GRID1: variants seen among roughly 807,000 people sequenced by gnomAD.
GRID1 encodes the protein glutamate ionotropic receptor delta type subunit 1.
A neutral mutation model predicts 98.0 loss-of-function variants in GRID1; 28 were observed. The ratio of observed to expected loss-of-function variants is 0.29; its 90% CI spans 0.21 to 0.39. The LOEUF is 0.39. Ranked by LOEUF, GRID1 falls within the 10% of genes least tolerant of loss-of-function variation. The pLI, the probability that GRID1 is intolerant of heterozygous loss-of-function variation, is 1.00. For synonymous variants in GRID1, 553 were observed against 538.5 expected, an observed-to-expected ratio of 1.03 and a Z score of -0.37; for missense variants, 1,111 against 1,340.5, an observed-to-expected ratio of 0.83 and a Z score of 2.67.
intron 4 of GRID1, among the ~76,000 whole-genome samples, chr10:85,990,500 A>T (rs1589327080): frequency 6.6e-6 from 1 of 152,230 alleles, no homozygotes; most frequent in East Asian, 1.9e-4. Flanking sequence ...AGACAGAAAC[A>T]TAGAAAACAA....
chr10:86,121,561 T>C (rs1844675281), intron 4 of GRID1, among the ~76,000 whole-genome samples: 2 of 115,846 alleles, frequency 1.7e-5, no homozygotes, highest in Non-Finnish European at 3.8e-5. Context: ...CTCACCATCA[T>C]TATCACCATC....
chr10:86,086,243 C>G (rs1248686375), intron 4 of GRID1, among the ~76,000 whole-genome samples: 2 of 152,174 alleles, frequency 1.3e-5, no homozygotes, highest in Middle Eastern at 6.3e-3. Flanking sequence ...CATTTACTGT[C>G]TCTCCTCCTT....
intron 4 of GRID1, among the ~76,000 whole-genome samples, chr10:86,114,855 G>A (rs1844549588): frequency 6.6e-6 from 1 of 152,172 alleles, no homozygotes; most frequent in African/African-American, 2.4e-5. Flanking sequence ...TCCAGGGCAT[G>A]GCTCCATCAT....
At chr10:86,245,962 C>T (rs1002399825) in intron 2 of GRID1, among the ~76,000 whole-genome samples, 15 of 152,200 alleles carry the variant, frequency 9.9e-5, no homozygotes, top group African/African-American at 2.9e-4. Flanking sequence ...AGAGTGTGCA[C>T]GCATACTCCC....
At chr10:86,134,525 C>T (rs1844887090) in intron 4 of GRID1, among the ~76,000 whole-genome samples, 1 of 152,136 alleles carries the variant, frequency 6.6e-6, no homozygotes, top group African/African-American at 2.4e-5. Flanking sequence ...GGGCGTTAAC[C>T]TCTAATACCC....
intron 4 of GRID1, among the ~76,000 whole-genome samples, chr10:85,946,233 T>G (rs1038206633): frequency 2.0e-5 from 3 of 152,030 alleles, no homozygotes; most frequent in Non-Finnish European, 2.9e-5. Context: ...CTATAAAGAG[T>G]CTGCCATTGA....
At position 85,695,245 on chromosome 10, in the gene GRID1, G is replaced by A. The variant is rs140616293; in HGVS notation, c.1997+27758C>T. On this transcript the variant is annotated intron_variant, in intron 12 of 15. Transcript: ENST00000327946. Reference sequence around the variant, plus strand: ...CTCTTGCCTTCCTTAAGAACTCAGCGTCTACTGCAGAAGGCTGGACTCAAT... The same window carrying A: ...CTCTTGCCTTCCTTAAGAACTCAGCATCTACTGCAGAAGGCTGGACTCAAT... Among the ~76,000 whole-genome samples the A allele has an allele frequency of 8.2e-4, 125 of 152,262 alleles. 1 individual carries two copies. Among genetic ancestry groups the A allele is most frequent in the Middle Eastern group, 3.4e-3 (1 of 294 alleles).
intron 12 of GRID1, among the ~76,000 whole-genome samples, chr10:85,712,934 G>A (rs892808583): frequency 4.6e-5 from 7 of 151,786 alleles, no homozygotes; most frequent in Admixed American, 2.0e-4. Flanking sequence ...CTCTAAGAAG[G>A]AAGTTAATGT....
At chr10:86,180,015 A>G (rs543534596) in intron 3 of GRID1, among the ~76,000 whole-genome samples, 2 of 152,276 alleles carry the variant, frequency 1.3e-5, no homozygotes, top group African/African-American at 2.4e-5. Context: ...AGGCACCACA[A>G]AGAAACCAGA....
In GRID1 at chr10:86,365,782, C is replaced by G. The variant is rs973831107; in HGVS notation, c.79+532G>C. ...AGACAGTCGTGCACGCACCAACACA[C>G]GCTCAGATGGCCCCACACACCCCAA... On this transcript the variant is annotated intron_variant, in intron 1 of 15. Coordinates refer to ENST00000327946, the MANE Select transcript of GRID1 (RefSeq NM_017551.3). This position sits in a 1 kb window ranked among gnomAD's most constrained non-coding sequence, Gnocchi z 4.8. Among the ~76,000 whole-genome samples, 2 of 152,152 alleles carry G rather than the reference C, an allele frequency of 1.3e-5. No homozygotes were observed. The highest frequency in any genetic ancestry group is 6.5e-5 in the Admixed American group (1 of 15,286).
At position 86,192,772 on chromosome 10, in the gene GRID1, G is replaced by A. The variant is rs1845823664; in HGVS notation, c.520+13592C>T. On this transcript the variant is annotated intron_variant, in intron 3 of 15. Transcript: ENST00000327946. The surrounding 1 kb of genome is among the most constrained non-coding windows in gnomAD (Gnocchi z 4.8). The stretch of plus-strand genomic sequence containing the variant: ...AGCACAGGTAGAATCCAGCACACAG[G>A]ACCAGGGCCAACAGGTGATGTTCAC... 6.6e-6 allele frequency among the ~76,000 whole-genome samples: 1 copy of A among 151,966 alleles called. No homozygotes were observed. The highest frequency in any genetic ancestry group is 6.5e-5 in the Admixed American group (1 of 15,272).
At position 86,004,210 on chromosome 10, in the gene GRID1, T is replaced by C. The variant is rs116472301; in HGVS notation, c.727-87971A>G. Among the ~76,000 whole-genome samples, 319 of 152,376 alleles carry C rather than the reference T, an allele frequency of 2.1e-3. 1 individual carries two copies. Among genetic ancestry groups the C allele is most frequent in the African/African-American group, 6.6e-3 (273 of 41,590 alleles). On this transcript the variant is annotated intron_variant, in intron 4 of 15. Coordinates refer to ENST00000327946, the MANE Select transcript of GRID1 (RefSeq NM_017551.3). ...CCCACATCTGTGATCTTACTCATTC[T>C]GTAATCCTGCCTCTGCAGAAATGTG...
intron 8 of GRID1, among the ~76,000 whole-genome samples, chr10:85,760,421 T>C (rs2132697428): frequency 6.6e-6 from 1 of 152,304 alleles, no homozygotes; most frequent in Admixed American, 6.5e-5. Flanking sequence ...TTAAAGTAGA[T>C]AAGATAATGT....
At chr10:85,935,175 G>A (rs1343009839) in intron 4 of GRID1, among the ~76,000 whole-genome samples, 1 of 152,198 alleles carries the variant, frequency 6.6e-6, no homozygotes, top group Non-Finnish European at 1.5e-5. Flanking sequence ...AGATGAGACA[G>A]CAGATGCTGG....
At chr10:85,858,942 A>G (rs934708581) in intron 6 of GRID1, among the ~76,000 whole-genome samples, 1 of 152,228 alleles carries the variant, frequency 6.6e-6, no homozygotes, top group African/African-American at 2.4e-5. Flanking sequence ...TCTTGAACAA[A>G]GAGGAAAAAG....
At chr10:85,953,160 G>A (rs1166487378) in intron 4 of GRID1, among the ~76,000 whole-genome samples, 1 of 151,842 alleles carries the variant, frequency 6.6e-6, no homozygotes, top group Non-Finnish European at 1.5e-5. Flanking sequence ...ATTCCATGGT[G>A]GTACATATGC....
At chr10:85,661,190 G>A (rs1215334655) in intron 12 of GRID1, among the ~76,000 whole-genome samples, 3 of 149,910 alleles carry the variant, frequency 2.0e-5, no homozygotes, top group Non-Finnish European at 4.4e-5. Flanking sequence ...TTTTTAGCCC[G>A]GGCCTGTGAT....
At chr10:85,881,312 C>T (rs1273264513) in intron 5 of GRID1, among the ~76,000 whole-genome samples, 1 of 152,168 alleles carries the variant, frequency 6.6e-6, no homozygotes, top group African/African-American at 2.4e-5. Context: ...GCCCACATCA[C>T]CAAGTCAAGC....
At position 85,613,533 on chromosome 10, in the gene GRID1, G is replaced by A; in HGVS notation, c.2475C>T (p.Ser825=). The A allele has an allele frequency of 6.2e-7, 1 of 1,614,216 alleles. No homozygotes were observed. The highest frequency in any genetic ancestry group is 8.5e-7 in the Non-Finnish European group (1 of 1,180,046). Reference sequence around the variant, plus strand: ...CCCCGGCGAAGCTGTGCAGCTTGAGGGATTTGCCGTCGGCCTGGGCGCTGG... The same window carrying A: ...CCCCGGCGAAGCTGTGCAGCTTGAGAGATTTGCCGTCGGCCTGGGCGCTGG... The part of the protein sequence containing the change: ...SHASAQADGK[S]LKLHSFAGVF... The change falls in exon 15 of 16, where the codon TCC becomes TCT. Residue 825 remains serine, a synonymous_variant. Coordinates refer to ENST00000327946, the MANE Select transcript of GRID1 (RefSeq NM_017551.3).
Sources: gnomAD v4.1 joint callset for allele counts (sites outside exome capture counted in the v4.1 genomes callset) on GRCh38, gnomAD v4.1.1 for gene constraint, Gnocchi (gnomAD v3.1) non-coding constraint, MANE v1.5 for transcripts, NCBI Gene and HGNC (gene_info 2026-07-23, HGNC 2026-07-21) for gene names.